LRBA: variants seen among roughly 807,000 people sequenced by gnomAD.
The protein encoded by LRBA is LPS responsive beige-like anchor protein.
Under a neutral mutation model 330.0 loss-of-function variants are expected in LRBA, and 176 were observed. The observed-to-expected ratio is 0.53, with a 90% confidence interval of 0.47 to 0.60. LRBA has a LOEUF of 0.60. Among genes scored for constraint, LRBA ranks in the 20% least tolerant of loss-of-function variants. LRBA has a pLI of 0.00. For missense variants in LRBA, 3,259 were observed against 3,444.8 expected (o/e 0.95, Z 1.35); for synonymous variants, 1,230 against 1,193.0 (o/e 1.03, Z -0.64).
chr4:150,905,775 C>T, intron 13 of LRBA, 63 bp downstream of exon 13: 1 of 1,374,260 alleles, frequency 7.3e-7, no homozygotes, highest in Non-Finnish European at 1.0e-6. Context: ...TTAATTATCA[C>T]TCTCCTCACG....
intron 36 of LRBA, among the ~76,000 whole-genome samples, chr4:150,694,617 C>T (rs530775253): frequency 1.4e-4 from 22 of 152,166 alleles, no homozygotes; most frequent in East Asian, 1.2e-3. Context: ...TGTCATGCAA[C>T]GACTCAAAGT....
intron 22 of LRBA, among the ~76,000 whole-genome samples, chr4:150,862,856 G>A (rs1180816375): frequency 6.6e-6 from 1 of 151,966 alleles, no homozygotes; most frequent in African/African-American, 2.4e-5. Context: ...GTGCACACCT[G>A]TTGTCCCAGC....
intron 36 of LRBA, among the ~76,000 whole-genome samples, chr4:150,705,156 G>T (rs985643910): frequency 2.6e-5 from 4 of 152,052 alleles, no homozygotes; most frequent in Non-Finnish European, 5.9e-5. Flanking sequence ...AGTACCAGGG[G>T]CTCCTGATTC....
intron 40 of LRBA, among the ~76,000 whole-genome samples, chr4:150,532,314 T>C (rs927790379): frequency 6.6e-6 from 1 of 152,210 alleles, no homozygotes; most frequent in Non-Finnish European, 1.5e-5. Flanking sequence ...CACATTAAAA[T>C]ATATTCCAAA....
rs1581046313 is a variant in LRBA at position 150,336,228 on chromosome 4, T to A, written c.7363-10330A>T. 3.9e-5 allele frequency among the ~76,000 whole-genome samples: 6 copies of A among 152,328 alleles called. 1 individual carries two copies. The highest frequency in any genetic ancestry group is 3.9e-4 in the Admixed American group (6 of 15,292). Reference sequence around the variant, plus strand: ...TCTCCCAAGGAATATTCTGTAACCATCTAAGAACAACTTCAGTTGATAAAC... The same window carrying A: ...TCTCCCAAGGAATATTCTGTAACCAACTAAGAACAACTTCAGTTGATAAAC... On this transcript the variant is annotated intron_variant, in intron 48 of 56. Transcript: ENST00000651943.
At chr4:150,300,298 A>G (rs1235307283) in intron 53 of LRBA, among the ~76,000 whole-genome samples, 2 of 152,060 alleles carry the variant, frequency 1.3e-5, no homozygotes, top group African/African-American at 4.8e-5. Flanking sequence ...AATTCAGTCA[A>G]GATACATTAC....
chr4:150,992,474 AGGT>A (rs1274902013), intron 2 of LRBA, among the ~76,000 whole-genome samples: 1 of 152,220 alleles, frequency 6.6e-6, no homozygotes. Context: ...AGAGCATCAG[AGGT>A]CATGCCATAC....
chr4:151,011,621 C>CT (rs1744855615), intron 2 of LRBA, among the ~76,000 whole-genome samples: 1 of 146,928 alleles, frequency 6.8e-6, no homozygotes, highest in Non-Finnish European at 1.5e-5. Context: ...AAAAAAAAGA[C>CT]TAACTATCAA....
intron 47 of LRBA, among the ~76,000 whole-genome samples, chr4:150,370,662 C>G (rs1740140469): frequency 6.6e-6 from 1 of 152,092 alleles, no homozygotes; most frequent in Non-Finnish European, 1.5e-5. Context: ...AAACCAAAGA[C>G]TTTAGTTAAT....
chr4:150,504,897 G>A (rs1345829260), intron 40 of LRBA, among the ~76,000 whole-genome samples: 8 of 151,728 alleles, frequency 5.3e-5, no homozygotes, highest in South Asian at 4.2e-4. Context: ...CAAGCAAATG[G>A]AAAACAAAAA....
chr4:150,445,371 CTCTCTCTATA>C (rs1252959402), intron 44 of LRBA, among the ~76,000 whole-genome samples: 10 of 84,390 alleles, frequency 1.2e-4, no homozygotes, highest in East Asian at 3.3e-4. Flanking sequence ...CTCTCTCTCT[CTCTCTCTATA>C]TATATATATA....
rs562248091 is a variant in LRBA, at chr4:150,558,190, C to T, written c.6330+29858G>A. On this transcript the variant is annotated intron_variant, in intron 40 of 56. Transcript: ENST00000651943. ...CTAGAATTACAGACATGAGCCACAG[C>T]GCCCGGCCCCATATTGCACTCTTTG... 1.8e-4 allele frequency among the ~76,000 whole-genome samples: 28 copies of T among 152,190 alleles called. No homozygotes were observed. In the East Asian group the frequency reaches 3.3e-3, roughly 18 times the overall value.
intron 2 of LRBA, chr4:150,970,769 G>A (rs912989283): frequency 6.6e-6 from 1 of 151,966 alleles, no homozygotes; most frequent in Non-Finnish European, 1.5e-5. Flanking sequence ...GCTCAGGGTG[G>A]TATAACTGTG....
At chr4:150,470,876 C>CA (rs1554034850) in intron 43 of LRBA, among the ~76,000 whole-genome samples, 2 of 143,708 alleles carry the variant, frequency 1.4e-5, no homozygotes, top group East Asian at 2.1e-4. Context: ...CACACACACA[C>CA]CACACACTAA....
At chr4:150,600,757 T>A (rs1398444521) in intron 37 of LRBA, among the ~76,000 whole-genome samples, 1 of 152,142 alleles carries the variant, frequency 6.6e-6, no homozygotes, top group Non-Finnish European at 1.5e-5. Context: ...CCACAGAATA[T>A]ACATACAATC....
At chr4:150,988,669 C>T (rs1010293787) in intron 2 of LRBA, among the ~76,000 whole-genome samples, 8 of 151,994 alleles carry the variant, frequency 5.3e-5, no homozygotes, top group African/African-American at 1.9e-4. Context: ...ACCTCTGTCT[C>T]CCGGGTTCAA....
At chr4:150,951,978 G>A (rs1441003299) in intron 2 of LRBA, among the ~76,000 whole-genome samples, 1 of 152,172 alleles carries the variant, frequency 6.6e-6, no homozygotes, top group African/African-American at 2.4e-5. Flanking sequence ...TGAAATTAAA[G>A]TCTAATAAGT....
At chr4:150,875,640 GC>G (rs2127020887) in intron 17 of LRBA, among the ~76,000 whole-genome samples, 1 of 152,212 alleles carries the variant, frequency 6.6e-6, no homozygotes, top group Non-Finnish European at 1.5e-5. Context: ...AAGCCAAAAG[GC>G]CCTACCCAGC....
intron 37 of LRBA, among the ~76,000 whole-genome samples, chr4:150,604,869 A>G (rs971821245): frequency 6.6e-6 from 1 of 152,160 alleles, no homozygotes; most frequent in Non-Finnish European, 1.5e-5. Context: ...CAAAAGTTAA[A>G]TCTAAACTTG....
Sources: gnomAD v4.1 joint callset for allele counts (sites outside exome capture counted in the v4.1 genomes callset) on GRCh38, gnomAD v4.1.1 for gene constraint, MANE v1.5 for transcripts, NCBI Gene and HGNC (gene_info 2026-07-23, HGNC 2026-07-21) for gene names.